CDKAL1: variants seen among roughly 807,000 people sequenced by gnomAD.
CDKAL1 encodes the protein CDKAL1 threonylcarbamoyladenosine tRNA methylthiotransferase, also known as threonylcarbamoyladenosine tRNA methylthiotransferase.
A neutral mutation model predicts 68.2 loss-of-function variants in CDKAL1; 32 were observed. The ratio of observed to expected loss-of-function variants is 0.47; its 90% CI spans 0.35 to 0.63. CDKAL1 has a LOEUF of 0.63. Ranked by LOEUF, CDKAL1 falls within the 30% of genes least tolerant of loss-of-function variation. CDKAL1 has a pLI of 0.00. For synonymous variants in CDKAL1, 234 were observed against 244.3 expected, an observed-to-expected ratio of 0.96 and a Z score of 0.39; for missense variants, 606 against 696.7, an observed-to-expected ratio of 0.87 and a Z score of 1.47.
chr6:20,751,957 C>A (rs961096449), intron 6 of CDKAL1, among the ~76,000 whole-genome samples: 1 of 152,050 alleles, frequency 6.6e-6, no homozygotes, highest in African/African-American at 2.4e-5. Context: ...TCAATATATT[C>A]TTCATTACTG....
rs1779571002 is a variant in CDKAL1, at chr6:21,222,365, G to A, written c.1549-8483G>A. Among the ~76,000 whole-genome samples the A allele has an allele frequency of 2.6e-5, 4 of 152,144 alleles. No homozygotes were observed. In the South Asian group the frequency reaches 8.3e-4, roughly 32 times the overall value. On this transcript the variant is annotated intron_variant, in intron 15 of 15. Coordinates refer to ENST00000274695, the MANE Select transcript of CDKAL1 (RefSeq NM_017774.3). ...TTGAAACAGAAAGGCTGACAGTATT[G>A]CGCTCTAATTGCGTGACTGTGTGAC... is the stretch of plus-strand genomic sequence containing the variant.
intron 4 of CDKAL1, among the ~76,000 whole-genome samples, chr6:20,589,566 T>A (rs1336333319): frequency 6.6e-6 from 1 of 152,250 alleles, no homozygotes; most frequent in East Asian, 1.9e-4. Flanking sequence ...GATCTTGTAA[T>A]ACTTCTTGTT....
At chr6:20,746,042 T>A (rs1391945761) in intron 6 of CDKAL1, among the ~76,000 whole-genome samples, 4 of 152,334 alleles carry the variant, frequency 2.6e-5, no homozygotes, top group Admixed American at 2.6e-4. Context: ...CTGTTGAATT[T>A]TGTTTTTATT....
intron 9 of CDKAL1, among the ~76,000 whole-genome samples, chr6:20,853,921 A>C (rs1759184435): frequency 6.6e-6 from 1 of 152,186 alleles, no homozygotes; most frequent in Non-Finnish European, 1.5e-5. Flanking sequence ...AATCGTTGTT[A>C]ATTTGCTATT....
intron 4 of CDKAL1, among the ~76,000 whole-genome samples, chr6:20,554,155 G>T (rs1763945481): frequency 6.6e-6 from 1 of 152,176 alleles, no homozygotes; most frequent in Admixed American, 6.5e-5. Context: ...GTGCCTGCTT[G>T]TCTCTCATTC....
At chr6:20,785,402 G>A (rs993647438) in intron 8 of CDKAL1, among the ~76,000 whole-genome samples, 3 of 144,724 alleles carry the variant, frequency 2.1e-5, no homozygotes, top group South Asian at 2.2e-4. Flanking sequence ...TGCAACCTCC[G>A]CCTCCTGGGT....
intron 4 of CDKAL1, among the ~76,000 whole-genome samples, chr6:20,587,007 A>G (rs529252858): frequency 2.3e-5 from 1 of 43,734 alleles, no homozygotes; most frequent in Non-Finnish European, 4.2e-5. Context: ...TTTTTTTGAG[A>G]CGGAGTTTTG....
At chr6:21,197,656 C>A (rs2151105074) in intron 13 of CDKAL1, among the ~76,000 whole-genome samples, 1 of 152,236 alleles carries the variant, frequency 6.6e-6, no homozygotes, top group South Asian at 2.1e-4. Flanking sequence ...GCAGCTTGTT[C>A]TGGCTTGTTT....
At chr6:20,935,055 C>T (rs1763641095) in intron 9 of CDKAL1, among the ~76,000 whole-genome samples, 1 of 151,918 alleles carries the variant, frequency 6.6e-6, no homozygotes, top group Admixed American at 6.6e-5. Flanking sequence ...GCCAACACAC[C>T]CAGCTAATTT....
intron 11 of CDKAL1, among the ~76,000 whole-genome samples, chr6:21,014,353 C>T (rs1268837055): frequency 1.3e-5 from 2 of 152,114 alleles, no homozygotes; most frequent in Admixed American, 1.3e-4. Context: ...CCTGTAATCC[C>T]AGCACTTTGG....
intron 11 of CDKAL1, among the ~76,000 whole-genome samples, chr6:21,028,109 G>C (rs762118321): frequency 3.9e-5 from 6 of 152,166 alleles, no homozygotes; most frequent in Non-Finnish European, 7.4e-5. Flanking sequence ...CATCTGGGCT[G>C]AATGGAGTCA....
chr6:21,011,150 G>A (rs766070386), intron 11 of CDKAL1, among the ~76,000 whole-genome samples: 1 of 150,502 alleles, frequency 6.6e-6, no homozygotes, highest in Non-Finnish European at 1.5e-5. Context: ...AGGCCAAGGC[G>A]GGTGGATCAC....
chr6:20,609,079 C>T (rs746361083), intron 4 of CDKAL1, among the ~76,000 whole-genome samples: 6 of 152,128 alleles, frequency 3.9e-5, no homozygotes, highest in Non-Finnish European at 7.4e-5. Context: ...CTTTGGACTG[C>T]ACATATGGGA....
chr6:21,204,809 CAT>C (rs1778832675), intron 15 of CDKAL1, among the ~76,000 whole-genome samples: 1 of 152,170 alleles, frequency 6.6e-6, no homozygotes, highest in South Asian at 2.1e-4. Context: ...ATATACGTAA[CAT>C]AAAATTTCCT....
At chr6:21,146,616 C>A (rs137913053) in intron 13 of CDKAL1, among the ~76,000 whole-genome samples, 10 of 151,946 alleles carry the variant, frequency 6.6e-5, no homozygotes, top group African/African-American at 2.4e-4. Context: ...TTTCGGAGGC[C>A]GAGACGGGCG....
intron 4 of CDKAL1, among the ~76,000 whole-genome samples, chr6:20,571,694 C>G (rs1361173505): frequency 1.3e-5 from 2 of 151,764 alleles, no homozygotes; most frequent in Non-Finnish European, 2.9e-5. Context: ...CAAAATTACT[C>G]TCTAGACTGA....
intron 15 of CDKAL1, among the ~76,000 whole-genome samples, chr6:21,226,704 GT>G (rs1779760788): frequency 6.6e-6 from 1 of 152,010 alleles, no homozygotes; most frequent in Non-Finnish European, 1.5e-5. Flanking sequence ...TGTTGTTGCT[GT>G]TTTTGTTTTG....
At chr6:20,885,900 T>A (rs1761043214) in intron 9 of CDKAL1, among the ~76,000 whole-genome samples, 1 of 152,106 alleles carries the variant, frequency 6.6e-6, no homozygotes, top group South Asian at 2.1e-4. Context: ...TTGGCCAATA[T>A]GGTGAAACCC....
intron 5 of CDKAL1, among the ~76,000 whole-genome samples, chr6:20,730,407 G>T (rs990503750): frequency 7.3e-6 from 1 of 136,866 alleles, no homozygotes; most frequent in Non-Finnish European, 1.6e-5. Context: ...AAGGAAGAAA[G>T]AGAAAGAAAG....
Sources: allele counts gnomAD v4.1 joint callset (sites outside exome capture counted in the v4.1 genomes callset), GRCh38; gene constraint gnomAD v4.1.1; transcripts MANE v1.5; gene names NCBI Gene and HGNC (gene_info 2026-07-23, HGNC 2026-07-21).